NLGN1: variants seen among roughly 807,000 people sequenced by gnomAD.
The protein encoded by NLGN1 is neuroligin-1.
Under a neutral mutation model 65.5 loss-of-function variants are expected in NLGN1, and 12 were observed. That is an observed-to-expected ratio of 0.18 (90% CI 0.12 to 0.30). The LOEUF (loss-of-function observed/expected upper bound fraction) is 0.30. Ranked by LOEUF, NLGN1 falls within the 10% of genes least tolerant of loss-of-function variation. The pLI is 1.00. For synonymous variants in NLGN1, 350 were observed against 359.5 expected (o/e 0.97, Z 0.30); for missense variants, 750 against 1,007.1 (o/e 0.74, Z 3.46).
intron 4 of NLGN1, among the ~76,000 whole-genome samples, chr3:174,252,988 A>G (rs949256440): frequency 6.6e-6 from 1 of 152,302 alleles, no homozygotes; most frequent in East Asian, 1.9e-4. Flanking sequence ...TCATTAAAAG[A>G]TTCCTTTATG....
chr3:174,240,470 C>A (rs1230795572), intron 4 of NLGN1, among the ~76,000 whole-genome samples: 1 of 152,068 alleles, frequency 6.6e-6, no homozygotes, highest in Non-Finnish European at 1.5e-5. Context: ...GAAATATCTA[C>A]ATTTAGATAA....
chr3:174,116,606 G>A (rs140756003), intron 4 of NLGN1, among the ~76,000 whole-genome samples: 1 of 152,056 alleles, frequency 6.6e-6, no homozygotes, highest in East Asian at 1.9e-4. Context: ...CCGAAGTGCT[G>A]GGAATACAGG....
At chr3:173,606,561 C>G (rs533462763) in intron 3 of NLGN1, among the ~76,000 whole-genome samples, 230 of 152,148 alleles carry the variant, frequency 1.5e-3, no homozygotes, top group Non-Finnish European at 2.8e-3. Context: ...TGGACCAAGT[C>G]AGATTTCATT....
At chr3:174,150,216 T>G (rs1724068412) in intron 4 of NLGN1, among the ~76,000 whole-genome samples, 1 of 152,114 alleles carries the variant, frequency 6.6e-6, no homozygotes, top group Admixed American at 6.6e-5. Context: ...TGGGCATTAT[T>G]AATATTTTAA....
intron 4 of NLGN1, among the ~76,000 whole-genome samples, chr3:174,024,386 C>T (rs1388392179): frequency 6.6e-6 from 1 of 152,066 alleles, no homozygotes; most frequent in East Asian, 1.9e-4. Context: ...AATAGGAGTG[C>T]ATCCCTCCTC....
chr3:174,142,355 G>T (rs1480221884), intron 4 of NLGN1, among the ~76,000 whole-genome samples: 1 of 152,032 alleles, frequency 6.6e-6, no homozygotes, highest in African/African-American at 2.4e-5. Flanking sequence ...CAGATTGTTT[G>T]TTTTTCTCTT....
At chr3:173,834,860 C>T (rs544670106) in intron 4 of NLGN1, among the ~76,000 whole-genome samples, 16 of 152,162 alleles carry the variant, frequency 1.1e-4, no homozygotes, top group Non-Finnish European at 1.5e-4. Flanking sequence ...AGGGCACTTA[C>T]GAAACTCAAC....
intron 3 of NLGN1, among the ~76,000 whole-genome samples, chr3:173,765,094 G>A (rs906575468): frequency 1.5e-5 from 2 of 136,012 alleles, no homozygotes; most frequent in East Asian, 2.1e-4. Context: ...GTGTGTGTGT[G>A]TGTGTATGTA....
downstream of NLGN1, among the ~76,000 whole-genome samples, chr3:174,290,608 T>C (rs1396378739): frequency 1.3e-5 from 2 of 151,128 alleles, no homozygotes; most frequent in Non-Finnish European, 3.0e-5. Context: ...ATAATGAGTT[T>C]TTTTAAATGA....
At chr3:173,884,059 T>C (rs907163436) in intron 4 of NLGN1, among the ~76,000 whole-genome samples, 24 of 152,186 alleles carry the variant, frequency 1.6e-4, no homozygotes, top group African/African-American at 5.8e-4. Flanking sequence ...TGACTTTTTT[T>C]TTTTAATCGA....
chr3:173,605,019 G>A (rs1751153230), exon 3 of NLGN1: 18 of 1,613,358 alleles, frequency 1.1e-5, no homozygotes, highest in Non-Finnish European at 1.5e-5. Flanking sequence ...TAACTTGGAT[G>A]TGGTTTCATC....
At chr3:173,828,377 G>A (rs1026783673) in intron 4 of NLGN1, among the ~76,000 whole-genome samples, 2 of 151,948 alleles carry the variant, frequency 1.3e-5, no homozygotes, top group African/African-American at 2.4e-5. Flanking sequence ...CCAGGAACAC[G>A]GGTCCCCTTC....
At chr3:174,063,555 GACA>G (rs1365370350) in intron 4 of NLGN1, among the ~76,000 whole-genome samples, 1 of 151,924 alleles carries the variant, frequency 6.6e-6, no homozygotes, top group African/African-American at 2.4e-5. Flanking sequence ...TGTAAAATAT[GACA>G]ACATTTGCAC....
chr3:173,664,260 G>C (rs544026889), intron 3 of NLGN1, among the ~76,000 whole-genome samples: 9 of 151,872 alleles, frequency 5.9e-5, no homozygotes, highest in Non-Finnish European at 1.3e-4. Flanking sequence ...TCTCCCAATT[G>C]GACCTAAAAT....
chr3:173,691,814 A>G (rs1397892908), intron 3 of NLGN1, among the ~76,000 whole-genome samples: 3 of 152,010 alleles, frequency 2.0e-5, no homozygotes, highest in African/African-American at 7.2e-5. Flanking sequence ...GGCAACAAAT[A>G]TTTTCTTTAA....
intron 4 of NLGN1, among the ~76,000 whole-genome samples, chr3:174,068,627 G>T (rs1342503345): frequency 1.4e-5 from 2 of 145,914 alleles, no homozygotes; most frequent in African/African-American, 4.9e-5. Context: ...ATTTGCCTTA[G>T]ACTGACTATT....
At chr3:173,862,024 C>T (rs1729204502) in intron 4 of NLGN1, among the ~76,000 whole-genome samples, 1 of 151,952 alleles carries the variant, frequency 6.6e-6, no homozygotes, top group Non-Finnish European at 1.5e-5. Flanking sequence ...CTGCCTCAGC[C>T]TCCCAAAGTG....
At chr3:173,733,349 C>T (rs1773175842) in intron 3 of NLGN1, among the ~76,000 whole-genome samples, 1 of 151,890 alleles carries the variant, frequency 6.6e-6, no homozygotes, top group Admixed American at 6.6e-5. Context: ...GAAGGAAAAT[C>T]TCATTTAGAG....
At chr3:173,882,226 CA>C (rs1733479128) in intron 4 of NLGN1, among the ~76,000 whole-genome samples, 1 of 152,170 alleles carries the variant, frequency 6.6e-6, no homozygotes, top group South Asian at 2.1e-4. Flanking sequence ...TTTGCTGTTC[CA>C]TTTTTTGAGC....
Sources: allele counts gnomAD v4.1 joint callset (sites outside exome capture counted in the v4.1 genomes callset), GRCh38; gene constraint gnomAD v4.1.1; transcripts MANE v1.5; gene names NCBI Gene and HGNC (gene_info 2026-07-23, HGNC 2026-07-21).